Variants in RIPOR2 observed in about 807,000 individuals in gnomAD.
The protein encoded by RIPOR2 is RHO family interacting cell polarization regulator 2, also known as rho family-interacting cell polarization regulator 2.
In RIPOR2, 39 loss-of-function variants were observed where a neutral mutation model predicts 114.5. That is an observed-to-expected ratio of 0.34 (90% CI 0.26 to 0.44). The LOEUF is 0.44. Ranked by LOEUF, RIPOR2 falls within the 20% of genes least tolerant of loss-of-function variation. The pLI, the probability that RIPOR2 is intolerant of heterozygous loss-of-function variation, is 1.00. For synonymous variants in RIPOR2, 445 were observed against 484.4 expected (o/e 0.92, Z 1.07); for missense variants, 1,007 against 1,255.1 (o/e 0.80, Z 2.99).
chr6:25,039,993 C>T (rs1777396159), intron 1 of RIPOR2, among the ~76,000 whole-genome samples: 1 of 152,212 alleles, frequency 6.6e-6, no homozygotes, highest in Non-Finnish European at 1.5e-5. Flanking sequence ...ATTTTGGATA[C>T]ATGTTCCTAA....
intron 19 of RIPOR2, among the ~76,000 whole-genome samples, chr6:24,820,011 T>A (rs1273441399): frequency 6.6e-6 from 1 of 152,076 alleles, no homozygotes; most frequent in East Asian, 1.9e-4. Context: ...TTGTCTGAAT[T>A]ACTTTTATTT....
rs112898215 is a variant in RIPOR2, at chr6:24,903,934, C to T, written c.62-28117G>A. 4.3e-3 allele frequency among the ~76,000 whole-genome samples: 661 copies of T among 152,354 alleles called. 5 individuals carry two copies. Among genetic ancestry groups the T allele is most frequent in the Middle Eastern group, 0.014 (4 of 294 alleles). ...TCCTCATGACTTTCAGTGGCAGCTG[C>T]GTCAGATAGAGTGATCGGCACTCAG... is the stretch of plus-strand genomic sequence containing the variant. On this transcript the variant is annotated intron_variant, in intron 1 of 21. Coordinates refer to ENST00000643898, the MANE Select transcript of RIPOR2 (RefSeq NM_001286445.3).
chr6:24,901,787 C>T (rs1283519859), intron 1 of RIPOR2, among the ~76,000 whole-genome samples: 2 of 152,152 alleles, frequency 1.3e-5, no homozygotes, highest in Non-Finnish European at 2.9e-5. Context: ...GTGGACCTCC[C>T]GGGGTGGAGA....
chr6:25,015,913 T>G (rs922972596), intron 1 of RIPOR2: 22 of 123,622 alleles, frequency 1.8e-4, no homozygotes, highest in South Asian at 2.9e-4. Flanking sequence ...TTTTTTTTTT[T>G]TTTTTTTTTT....
intron 7 of RIPOR2, among the ~76,000 whole-genome samples, chr6:24,863,785 T>A (rs1469935122): frequency 1.3e-5 from 2 of 152,202 alleles, no homozygotes; most frequent in African/African-American, 4.8e-5. Context: ...GATAACTTTT[T>A]AAAAAATCAT....
At chr6:24,826,676 A>G (rs1562224673) in intron 18 of RIPOR2, among the ~76,000 whole-genome samples, 1 of 152,216 alleles carries the variant, frequency 6.6e-6, no homozygotes, top group South Asian at 2.1e-4. Flanking sequence ...ACATTAGTAT[A>G]CATTCAAATG....
At chr6:24,834,470 CT>C (rs1216851507) in intron 15 of RIPOR2, among the ~76,000 whole-genome samples, 1 of 152,038 alleles carries the variant, frequency 6.6e-6, no homozygotes, top group Non-Finnish European at 1.5e-5. Flanking sequence ...CCCCTTGACA[CT>C]TTTTCTTTTC....
intron 17 of RIPOR2, among the ~76,000 whole-genome samples, chr6:24,829,785 C>T (rs777011413): frequency 6.6e-6 from 1 of 152,114 alleles, no homozygotes; most frequent in African/African-American, 2.4e-5. Context: ...GAACATAGCA[C>T]TTTATCTGTC....
At chr6:24,919,604 C>G (rs1011592848) in intron 1 of RIPOR2, among the ~76,000 whole-genome samples, 4 of 152,194 alleles carry the variant, frequency 2.6e-5, no homozygotes, top group African/African-American at 9.6e-5. Flanking sequence ...CAAAAAGCCT[C>G]AAGGGGCTGC....
At chr6:24,866,783 A>G (rs1013997527) in intron 6 of RIPOR2, among the ~76,000 whole-genome samples, 11 of 152,312 alleles carry the variant, frequency 7.2e-5, no homozygotes, top group African/African-American at 2.6e-4. Flanking sequence ...GGCATTGTCA[A>G]AAGCAAATAA....
At chr6:24,943,562 G>T (rs644722) in intron 1 of RIPOR2, among the ~76,000 whole-genome samples, 26,382 of 152,040 alleles carry the variant, frequency 0.17, 2,447 homozygotes, top group East Asian at 0.34. Context: ...ATCGACTTTT[G>T]CAGAAGGCTG....
At chr6:24,877,286 T>G (rs928713786) in intron 1 of RIPOR2, 9 of 985,268 alleles carry the variant, frequency 9.1e-6, no homozygotes, top group South Asian at 4.7e-5. Context: ...CCCATGTTGC[T>G]GCAGGTTTTT....
intron 21 of RIPOR2, among the ~76,000 whole-genome samples, chr6:24,808,027 A>C (rs898251595): frequency 6.6e-6 from 1 of 152,186 alleles, no homozygotes; most frequent in African/African-American, 2.4e-5. Context: ...ATCCTTAAAA[A>C]ATCCTGATGC....
At chr6:24,981,575 A>G (rs73384120) in intron 1 of RIPOR2, among the ~76,000 whole-genome samples, 4,415 of 152,272 alleles carry the variant, frequency 0.029, 107 homozygotes, top group African/African-American at 0.062. Context: ...ATCTGTACTC[A>G]GTGGGCCCAG....
At chr6:24,931,473 A>G (rs915627982) in intron 1 of RIPOR2, among the ~76,000 whole-genome samples, 1 of 152,218 alleles carries the variant, frequency 6.6e-6, no homozygotes, top group African/African-American at 2.4e-5. Flanking sequence ...ACAGGCAGCT[A>G]ATGGTTGAAT....
At chr6:24,998,694 T>A (rs1032457324) in intron 1 of RIPOR2, among the ~76,000 whole-genome samples, 1 of 151,862 alleles carries the variant, frequency 6.6e-6, no homozygotes, top group African/African-American at 2.4e-5. Flanking sequence ...GCAAAAAAAA[T>A]CTACAATAAA....
intron 1 of RIPOR2, among the ~76,000 whole-genome samples, chr6:24,915,277 C>A (rs1190560370): frequency 1.3e-5 from 2 of 151,860 alleles, no homozygotes; most frequent in East Asian, 1.9e-4. Flanking sequence ...ATAGTATAAT[C>A]TTTTGGCCTC....
At position 25,029,495 on chromosome 6, in the gene RIPOR2, C is replaced by T. The variant is rs144896457; in HGVS notation, c.76+12356G>A. On this transcript the variant is annotated intron_variant, in intron 1 of 13. Transcript: ENST00000510784. Reference sequence around the variant, plus strand: ...CCAAGAACAAACTCTGGCCTGGACACAAAGGAATGTTCATGTATTGACTGT... The same window carrying T: ...CCAAGAACAAACTCTGGCCTGGACATAAAGGAATGTTCATGTATTGACTGT... Among the ~76,000 whole-genome samples the T allele has an allele frequency of 1.0e-4, 15 of 147,984 alleles. 1 individual carries two copies. The South Asian group carries it at 1.5e-3, about 15-fold the overall frequency.
At chr6:24,917,436 T>C (rs1026178998) in intron 1 of RIPOR2, among the ~76,000 whole-genome samples, 8 of 152,256 alleles carry the variant, frequency 5.3e-5, no homozygotes, top group Non-Finnish European at 1.0e-4. Flanking sequence ...AAAATAAGTA[T>C]AACATGATTC....
Sources: allele counts gnomAD v4.1 joint callset (sites outside exome capture counted in the v4.1 genomes callset), GRCh38; gene constraint gnomAD v4.1.1; transcripts MANE v1.5; gene names NCBI Gene and HGNC (gene_info 2026-07-23, HGNC 2026-07-21).